Variants in HYAL4 observed in about 807,000 individuals in gnomAD.
The protein encoded by HYAL4 is hyaluronidase 4.
Under a neutral mutation model 35.2 loss-of-function variants are expected in HYAL4, and 37 were observed. That is an observed-to-expected ratio of 1.05 (90% CI 0.81 to 1.38). The LOEUF (loss-of-function observed/expected upper bound fraction) is 1.38. HYAL4 is among the 40% of genes most tolerant of loss of function. HYAL4 has a pLI of 0.00. For missense variants in HYAL4, 572 were observed against 572.4 expected (o/e 1.00, Z 0.01); for synonymous variants, 198 against 203.2 (o/e 0.97, Z 0.22).
the HYAL4 span, among the ~76,000 whole-genome samples, chr7:123,780,475 A>G: frequency 5.9e-5 from 9 of 152,354 alleles, no homozygotes; most frequent in Non-Finnish European, 1.2e-4. Context: ...ATAAGGAATG[A>G]CAGTTAAGAT....
chr7:123,833,371 A>G (rs1186897408), intron 1 of HYAL4, among the ~76,000 whole-genome samples: 3 of 150,608 alleles, frequency 2.0e-5, no homozygotes, highest in South Asian at 2.1e-4. Context: ...TGGCCCGTGT[A>G]TATCTTCTTT....
At chr7:123,816,636 G>T in the HYAL4 span, among the ~76,000 whole-genome samples, 1 of 151,678 alleles carries the variant, frequency 6.6e-6, no homozygotes, top group Non-Finnish European at 1.5e-5. Flanking sequence ...TTTAATTTTT[G>T]TGGGTACATT....
At chr7:123,831,952 CT>C (rs566939727) in intron 1 of HYAL4, among the ~76,000 whole-genome samples, 10 of 151,064 alleles carry the variant, frequency 6.6e-5, no homozygotes, top group South Asian at 2.1e-4. Flanking sequence ...GCAGCCTTTC[CT>C]TTTTTTTTCC....
At chr7:123,853,832 A>G (rs569985128) in intron 2 of HYAL4, among the ~76,000 whole-genome samples, 1 of 152,200 alleles carries the variant, frequency 6.6e-6, no homozygotes, top group Non-Finnish European at 1.5e-5. Context: ...CTCTGGTAGA[A>G]TTCGGATGTG....
chr7:123,839,574 T>C (rs1257741083), intron 1 of HYAL4, among the ~76,000 whole-genome samples: 2 of 152,228 alleles, frequency 1.3e-5, no homozygotes, highest in Non-Finnish European at 2.9e-5. Flanking sequence ...TCTTCCACAA[T>C]GGTTGAACTA....
At chr7:123,857,770 A>G (rs1384024405) in intron 2 of HYAL4, among the ~76,000 whole-genome samples, 3 of 150,306 alleles carry the variant, frequency 2.0e-5, no homozygotes, top group Admixed American at 1.3e-4. Flanking sequence ...GTCACATAAC[A>G]TGTACTATTT....
At chr7:123,809,174 T>G in the HYAL4 span, among the ~76,000 whole-genome samples, 2 of 152,120 alleles carry the variant, frequency 1.3e-5, no homozygotes, top group Non-Finnish European at 2.9e-5. Context: ...TTACACTCTC[T>G]AATGGAGCCA....
chr7:123,854,318 G>T (rs1040729475), intron 2 of HYAL4, among the ~76,000 whole-genome samples: 1 of 152,096 alleles, frequency 6.6e-6, no homozygotes, highest in Non-Finnish European at 1.5e-5. Flanking sequence ...TGATGTTAGG[G>T]TGTCGGTTTT....
chr7:123,810,420 A>C, the HYAL4 span, among the ~76,000 whole-genome samples: 1 of 152,236 alleles, frequency 6.6e-6, no homozygotes, highest in Admixed American at 6.5e-5. Context: ...CTTGTTGGTC[A>C]CATAGATGTT....
intron 2 of HYAL4, among the ~76,000 whole-genome samples, chr7:123,859,357 T>A (rs1028645015): frequency 2.0e-5 from 3 of 152,220 alleles, no homozygotes; most frequent in African/African-American, 7.2e-5. Flanking sequence ...AATTCACCGG[T>A]ATTGTGCATT....
At chr7:123,766,211 A>C in the HYAL4 span, among the ~76,000 whole-genome samples, 1 of 152,150 alleles carries the variant, frequency 6.6e-6, no homozygotes, top group Admixed American at 6.5e-5. Flanking sequence ...AAAGGTTCCT[A>C]ATTGTAATTG....
rs1806798467 is a variant in HYAL4 at position 123,869,167 on chromosome 7, G to A, written c.894G>A (p.Leu298=). 2 of 1,613,910 alleles carry A rather than the reference G, an allele frequency of 1.2e-6. No homozygotes were observed. Among genetic ancestry groups the A allele is most frequent in the Non-Finnish European group, 1.7e-6 (2 of 1,180,028 alleles). ...CCATGACATCTCATGATTATGCTCT[G>A]CCTGTATTTGTCTACACAAGGCTAG... ...ISTMTSHDYA[L]PVFVYTRLGY... Residue 298 remains leucine, a synonymous_variant, in exon 3 of 5, where the codon CTG becomes CTA. Coordinates refer to ENST00000223026, the MANE Select transcript of HYAL4 (RefSeq NM_012269.3).
intron 2 of HYAL4, among the ~76,000 whole-genome samples, chr7:123,854,730 A>G (rs955226987): frequency 6.6e-5 from 10 of 152,200 alleles, no homozygotes; most frequent in African/African-American, 2.2e-4. Context: ...GTAGATGTCT[A>G]TTAGGTCTAC....
chr7:123,782,500 A>C, the HYAL4 span, among the ~76,000 whole-genome samples: 3 of 152,090 alleles, frequency 2.0e-5, no homozygotes, highest in African/African-American at 7.2e-5. Context: ...ATATTGATTT[A>C]GTTTTTTTTC....
the HYAL4 span, among the ~76,000 whole-genome samples, chr7:123,819,891 T>C: frequency 1.3e-5 from 2 of 149,036 alleles, no homozygotes; most frequent in Non-Finnish European, 3.0e-5. Flanking sequence ...AATTCTTTTT[T>C]TTTCTTTTTT....
At chr7:123,783,878 G>A in the HYAL4 span, among the ~76,000 whole-genome samples, 2 of 152,164 alleles carry the variant, frequency 1.3e-5, no homozygotes, top group African/African-American at 4.8e-5. Flanking sequence ...CGTGTTAAAT[G>A]TCTACCAAAG....
At chr7:123,872,188 C>G (rs1037336377) in intron 3 of HYAL4, among the ~76,000 whole-genome samples, 1 of 152,086 alleles carries the variant, frequency 6.6e-6, no homozygotes, top group African/African-American at 2.4e-5. Flanking sequence ...TCTCCAATGT[C>G]TATTATTGCA....
At chr7:123,769,260 T>C in the HYAL4 span, among the ~76,000 whole-genome samples, 1 of 152,118 alleles carries the variant, frequency 6.6e-6, no homozygotes, top group African/African-American at 2.4e-5. Flanking sequence ...TTAAAAAGCA[T>C]AGTTTTGGAT....
the HYAL4 span, among the ~76,000 whole-genome samples, chr7:123,806,077 G>A: frequency 6.6e-6 from 1 of 152,140 alleles, no homozygotes; most frequent in Non-Finnish European, 1.5e-5. Context: ...TTTTGCAAAA[G>A]AAACATAAAG....
Sources: gnomAD v4.1 joint callset for allele counts (sites outside exome capture counted in the v4.1 genomes callset) on GRCh38, gnomAD v4.1.1 for gene constraint, MANE v1.5 for transcripts, NCBI Gene and HGNC (gene_info 2026-07-23, HGNC 2026-07-21) for gene names.